HUS1: variants seen among roughly 807,000 people sequenced by gnomAD.
HUS1 encodes the protein HUS1 checkpoint clamp component, also known as checkpoint protein HUS1.
Under a neutral mutation model 32.6 loss-of-function variants are expected in HUS1, and 31 were observed. The observed-to-expected ratio is 0.95, with a 90% confidence interval of 0.72 to 1.28. HUS1 has a LOEUF of 1.28. Ranked by LOEUF, HUS1 falls within the 50% of genes most tolerant of loss-of-function variation. The probability of loss-of-function intolerance (pLI) is 0.00; values close to 1 mark genes in which losing one functional copy is unlikely to be tolerated. For synonymous variants in HUS1, 123 were observed against 116.6 expected (o/e 1.06, Z -0.36); for missense variants, 340 against 337.7 (o/e 1.01, Z -0.05).
At chr7:47,975,314 T>G (rs1788678404) in intron 5 of HUS1, among the ~76,000 whole-genome samples, 1 of 128,958 alleles carries the variant, frequency 7.8e-6, no homozygotes, top group Non-Finnish European at 1.6e-5. Context: ...TGAGACTCTG[T>G]CTCAAAAAAA....
chr7:47,966,698 C>A (rs1231680992), intron 7 of HUS1, among the ~76,000 whole-genome samples: 1 of 152,132 alleles, frequency 6.6e-6, no homozygotes, highest in Non-Finnish European at 1.5e-5. Flanking sequence ...GATCTCCATG[C>A]ACATCGAGGT....
At chr7:47,979,354 T>C in intron 1 of HUS1, 114 bp downstream of exon 1, 2 of 602,190 alleles carry the variant, frequency 3.3e-6, no homozygotes, top group Non-Finnish European at 4.3e-6. Context: ...GGCCCCATCC[T>C]CCCGCGGCCC....
At position 47,978,590 on chromosome 7, in the gene HUS1, T is replaced by A. The variant is rs749387979; in HGVS notation, c.184A>T (p.Asn62Tyr). Residue 62 changes from asparagine to tyrosine, a missense_variant, in exon 3 of 8, where the codon AAC becomes TAC. Coordinates refer to ENST00000258774, the MANE Select transcript of HUS1 (RefSeq NM_004507.4). ...TCCATTTGAAATTCGTTGAAGAAGTTCTCCTAAGGGAAAAAAAATGAGGGA... is the reference window on the plus strand; with the variant it reads ...TCCATTTGAAATTCGTTGAAGAAGTACTCCTAAGGGAAAAAAAATGAGGGA... Reference protein sequence around the residue: ...VSMWCELEQENFFNEFQMEGV... With the variant: ...VSMWCELEQEYFFNEFQMEGV... The A allele has an allele frequency of 6.2e-7, 1 of 1,613,882 alleles. No homozygotes were observed. The highest frequency in any genetic ancestry group is 1.7e-5 in the Admixed American group (1 of 60,026).
At chr7:47,979,364 C>T in intron 1 of HUS1, 104 bp downstream of exon 1, 1 of 1,431,698 alleles carries the variant, frequency 7.0e-7, no homozygotes, top group Non-Finnish European at 9.6e-7. Flanking sequence ...TCCCGCGGCC[C>T]CTTCCGGCGC....
rs2128767091 is a variant in HUS1, at chr7:47,979,567, G to C, written c.-48C>G. 5 of 1,493,332 alleles carry C rather than the reference G, an allele frequency of 3.3e-6. No homozygotes were observed. Among genetic ancestry groups the C allele is most frequent in the Non-Finnish European group, 4.6e-6 (5 of 1,076,566 alleles). The allele number at this position is 1,493,332 out of a possible 1,614,324, so 92.5% of individuals were successfully genotyped here. A position where few individuals can be genotyped will look rare whatever the true frequency, so the allele number is the denominator to read the frequency against. ...GCGGGCCTCTGTGGGTAACAGAAAA[G>C]CGTCGCGCCCTGAGTGTCCCCGCCC... On this transcript the variant is annotated 5_prime_UTR_variant, in exon 1 of 8. Transcript: ENST00000258774.
chr7:47,971,933 G>A (rs1256451352), intron 5 of HUS1, among the ~76,000 whole-genome samples: 2 of 151,932 alleles, frequency 1.3e-5, no homozygotes, highest in Non-Finnish European at 2.9e-5. Context: ...TTCTAATTTG[G>A]GTGAGCTCTT....
chr7:47,965,499 C>G, intron 7 of HUS1, 61 bp from the exon 8 acceptor site: 1 of 1,245,608 alleles, frequency 8.0e-7, no homozygotes, highest in East Asian at 2.4e-5. Flanking sequence ...TTGATCTCTA[C>G]TTTTTCAGAA....
chr7:47,969,101 C>G, intron 6 of HUS1, 118 bp downstream of exon 6: 1 of 611,938 alleles, frequency 1.6e-6, no homozygotes, highest in South Asian at 2.0e-5. Context: ...GTTCTTCACC[C>G]AAGCATGAAA....
At position 47,965,274 on chromosome 7, in the gene HUS1, AC is replaced by A; in HGVS notation, c.*81del. The A allele has an allele frequency of 2.3e-6, 2 of 879,142 alleles. No homozygotes were observed. The highest frequency in any genetic ancestry group is 3.9e-6 in the Non-Finnish European group (2 of 514,234). 54.5% of individuals were successfully genotyped at this position (879,142 alleles called of 1,614,324 possible). A position where few individuals can be genotyped will look rare whatever the true frequency, so the allele number is the denominator to read the frequency against. ...TGTCGATGTGCGGTGCTGTGAGGGC[AC>A]AGACCAGTGATCAGAACACAACACC... On this transcript the variant is annotated 3_prime_UTR_variant, in exon 8 of 8. Transcript: ENST00000258774.
At chr7:47,965,470 C>G in intron 7 of HUS1, 32 bp from the exon 8 acceptor site, 1 of 1,452,320 alleles carries the variant, frequency 6.9e-7, no homozygotes, top group Non-Finnish European at 9.7e-7. Flanking sequence ...TTTTAGAGAC[C>G]TAGTGCAGCA....
At chr7:47,972,912 C>T (rs568818662) in intron 5 of HUS1, among the ~76,000 whole-genome samples, 8 of 152,190 alleles carry the variant, frequency 5.3e-5, no homozygotes, top group Non-Finnish European at 8.8e-5. Context: ...TTTGGCTCAG[C>T]AACCCCACCC....
At chr7:47,966,503 G>A (rs1788481176) in intron 7 of HUS1, among the ~76,000 whole-genome samples, 1 of 152,094 alleles carries the variant, frequency 6.6e-6, no homozygotes, top group Non-Finnish European at 1.5e-5. Flanking sequence ...GTTGTGCAGC[G>A]CAGGGGCCCC....
At position 47,979,506 on chromosome 7, in the gene HUS1, G is replaced by A; in HGVS notation, c.14C>T (p.Ala5Val). MKFR[A>V]KIVDGACLNH... is the part of the protein sequence containing the mutation. ...CAGACAGGCCCCGTCCACGATCTTG[G>A]CCCGAAACTTCATGGCCGCGGATGG... The change falls in exon 1 of 8, where the codon GCC becomes GTC. Residue 5 changes from alanine (A) to valine (V), a missense_variant. Physicochemically the swap from Ala to Val is moderately conservative, Grantham distance 64 (BLOSUM62 0). Transcript: ENST00000258774. 1.2e-6 allele frequency: 2 copies of A among 1,612,288 alleles called. No homozygotes were observed. Among genetic ancestry groups the A allele is most frequent in the Non-Finnish European group, 1.7e-6 (2 of 1,179,888 alleles).
intron 6 of HUS1, among the ~76,000 whole-genome samples, chr7:47,968,602 G>A (rs1368938229): frequency 1.3e-5 from 2 of 152,184 alleles, no homozygotes; most frequent in African/African-American, 2.4e-5. Flanking sequence ...TTTCTCCCCT[G>A]GTCCTTTACC....
intron 5 of HUS1, chr7:47,971,626 TTC>T (rs1788602784): frequency 8.9e-6 from 4 of 450,658 alleles, no homozygotes; most frequent in Middle Eastern, 3.3e-4. Context: ...TACCTGTTAT[TTC>T]TCTTTTTGAT....
chr7:47,971,846 A>T (rs188529454), intron 5 of HUS1, among the ~76,000 whole-genome samples: 1 of 152,322 alleles, frequency 6.6e-6, no homozygotes, highest in Non-Finnish European at 1.5e-5. Flanking sequence ...TGTTTACTGA[A>T]TACAATTTAG....
chr7:47,979,601 G>A lies in HUS1; in HGVS notation c.-82C>T, dbSNP rs543611969. 8 of 1,130,796 alleles carry A rather than the reference G, an allele frequency of 7.1e-6. No homozygotes were observed. The highest frequency in any genetic ancestry group is 2.3e-5 in the East Asian group (1 of 42,570). The allele number at this position is 1,130,796 out of a possible 1,614,324, so 70.0% of individuals were successfully genotyped here. A position where few individuals can be genotyped will look rare whatever the true frequency, so the allele number is the denominator to read the frequency against. ...CCTGAGTGTCCCCGCCCGGAAACACGGCAGCGCGAACAGTGGTTCCGCCCG... is the reference window on the plus strand; with the variant it reads ...CCTGAGTGTCCCCGCCCGGAAACACAGCAGCGCGAACAGTGGTTCCGCCCG... On this transcript the variant is annotated 5_prime_UTR_variant, in exon 1 of 8. Transcript: ENST00000258774.
chr7:47,972,482 A>G (rs1408504395), intron 5 of HUS1, among the ~76,000 whole-genome samples: 1 of 152,144 alleles, frequency 6.6e-6, no homozygotes, highest in East Asian at 1.9e-4. Context: ...TTCTCTGAAC[A>G]CTGGTCACTC....
chr7:47,969,957 G>A (rs1788560431), intron 5 of HUS1, among the ~76,000 whole-genome samples: 1 of 152,058 alleles, frequency 6.6e-6, no homozygotes, highest in East Asian at 1.9e-4. Context: ...AAACCAGCCG[G>A]GCGCGGTGGC....
Sources: allele counts gnomAD v4.1 joint callset (sites outside exome capture counted in the v4.1 genomes callset), GRCh38; gene constraint gnomAD v4.1.1; transcripts MANE v1.5; gene names NCBI Gene and HGNC (gene_info 2026-07-23, HGNC 2026-07-21).